Variants in EPHA6 observed in about 807,000 individuals in gnomAD.
The protein encoded by EPHA6 is ephrin type-A receptor 6.
In EPHA6, 50 loss-of-function variants were observed where a neutral mutation model predicts 112.0. That is an observed-to-expected ratio of 0.45 (90% CI 0.36 to 0.56). The LOEUF (loss-of-function observed/expected upper bound fraction) is 0.56, where lower values mean the gene tolerates loss of function less well. EPHA6 is among the 20% of genes least tolerant of loss of function. The probability of loss-of-function intolerance (pLI) is 0.00; values close to 1 mark genes in which losing one functional copy is unlikely to be tolerated. For missense variants in EPHA6, 1,280 were observed against 1,417.4 expected (o/e 0.90, Z 1.56); for synonymous variants, 529 against 490.7 (o/e 1.08, Z -1.03).
intron 3 of EPHA6, among the ~76,000 whole-genome samples, chr3:97,024,797 T>G (rs1363635980): frequency 6.6e-6 from 1 of 152,220 alleles, no homozygotes; most frequent in Admixed American, 6.5e-5. Context: ...TTCCTTCCTA[T>G]TTTAGTGTTA....
At chr3:97,126,489 T>G (rs554555457) in intron 3 of EPHA6, among the ~76,000 whole-genome samples, 1 of 152,300 alleles carries the variant, frequency 6.6e-6, no homozygotes, top group East Asian at 1.9e-4. Context: ...AATGACAATA[T>G]AACTCCACAA....
intron 3 of EPHA6, among the ~76,000 whole-genome samples, chr3:97,176,724 A>G (rs1314230617): frequency 6.6e-6 from 1 of 151,728 alleles, no homozygotes; most frequent in Non-Finnish European, 1.5e-5. Context: ...GAATTTTTGC[A>G]GTATTAGTTG....
intron 6 of EPHA6, among the ~76,000 whole-genome samples, chr3:97,427,400 G>A (rs2089215104): frequency 6.6e-6 from 1 of 152,142 alleles, no homozygotes; most frequent in Non-Finnish European, 1.5e-5. Flanking sequence ...GAACATGGTT[G>A]CAACTGGAGG....
Position 97,667,654 on chromosome 3 carries a change from T to C in EPHA6, c.2784+29572T>C, listed in dbSNP as rs143036571. Among the ~76,000 whole-genome samples, 59 of 152,318 alleles carry C rather than the reference T, an allele frequency of 3.9e-4. 1 individual carries two copies. In the East Asian group the frequency reaches 7.7e-3, roughly 20 times the overall value. ...ACATCTTTATATCTAAGTGCCTTTA[T>C]GTAAATAAGAAAAAGTATACTTTGT... On this transcript the variant is annotated intron_variant, in intron 14 of 17. Transcript: ENST00000389672.
rs113580598 is a variant in EPHA6 at position 97,097,622 on chromosome 3, T to C, written c.1114+109629T>C. ...TTATATAAAAGATAGTTAATTAAAA[T>C]TTATGTCTTCACTGCCAGATTGGAA... On this transcript the variant is annotated intron_variant, in intron 3 of 17. Transcript: ENST00000389672. Among the ~76,000 whole-genome samples the C allele has an allele frequency of 5.2e-3, 796 of 152,004 alleles. 5 individuals are homozygous for C. Among genetic ancestry groups the C allele is most frequent in the Non-Finnish European group, 8.1e-3 (551 of 67,848 alleles).
At chr3:97,227,514 C>A (rs2078396036) in intron 4 of EPHA6, among the ~76,000 whole-genome samples, 1 of 152,188 alleles carries the variant, frequency 6.6e-6, no homozygotes, top group Admixed American at 6.5e-5. Flanking sequence ...AGCCACCGCC[C>A]CTGGCCGAAA....
At chr3:97,261,155 G>A (rs900253302) in intron 5 of EPHA6, among the ~76,000 whole-genome samples, 8 of 152,148 alleles carry the variant, frequency 5.3e-5, no homozygotes, top group African/African-American at 1.9e-4. Flanking sequence ...ATTAGTTCAG[G>A]TTAAAAACAA....
At chr3:97,488,372 A>G (rs9843231) in intron 10 of EPHA6, among the ~76,000 whole-genome samples, 2,756 of 152,280 alleles carry the variant, frequency 0.018, 100 homozygotes, top group African/African-American at 0.063. Context: ...CAAGAAGGAT[A>G]TAAAAGTGAG....
At position 96,981,547 on chromosome 3, in the gene EPHA6, T is replaced by A. The variant is rs1324654181; in HGVS notation, c.451-5783T>A. Among the ~76,000 whole-genome samples, 3 of 152,126 alleles carry A rather than the reference T, an allele frequency of 2.0e-5. No homozygotes were observed. The East Asian group carries it at 5.8e-4, about 29-fold the overall frequency. On this transcript the variant is annotated intron_variant, in intron 2 of 17. Coordinates refer to ENST00000389672, the MANE Select transcript of EPHA6 (RefSeq NM_001080448.3). ...GTTGTGTCTCTGCGAGGCTTTAGTA[T>A]CAAGATGATGCTCGCCTCATAAAAT...
At chr3:96,893,025 C>A (rs1056737130) in intron 2 of EPHA6, among the ~76,000 whole-genome samples, 1 of 150,702 alleles carries the variant, frequency 6.6e-6, no homozygotes, top group African/African-American at 2.4e-5. Flanking sequence ...TGCCACAAAA[C>A]CACATACATG....
At chr3:97,168,407 G>A (rs1352720494) in intron 3 of EPHA6, among the ~76,000 whole-genome samples, 2 of 152,172 alleles carry the variant, frequency 1.3e-5, no homozygotes, top group Middle Eastern at 3.4e-3. Context: ...TAGTGCTGGA[G>A]GACCATCCCC....
rs557771497 is a variant in EPHA6, at chr3:96,822,457, A to G, written c.385+7449A>G. Reference sequence around the variant, plus strand: ...TTCTGAGTCCTCCAGCTTTTGGCCTATTTGGTGACCTGTGCTTGATAGATG... The same window carrying G: ...TTCTGAGTCCTCCAGCTTTTGGCCTGTTTGGTGACCTGTGCTTGATAGATG... On this transcript the variant is annotated intron_variant, in intron 1 of 17. Coordinates refer to ENST00000389672, the MANE Select transcript of EPHA6 (RefSeq NM_001080448.3). Among the ~76,000 whole-genome samples, 6 of 151,862 alleles carry G rather than the reference A, an allele frequency of 4.0e-5. No homozygotes were observed. The East Asian group carries it at 7.8e-4, about 20-fold the overall frequency.
chr3:97,613,703 A>C (rs1229018160), intron 13 of EPHA6, among the ~76,000 whole-genome samples: 1 of 152,144 alleles, frequency 6.6e-6, no homozygotes, highest in Non-Finnish European at 1.5e-5. Flanking sequence ...GTGTATTTTT[A>C]ATTTTAAAGT....
In EPHA6 at chr3:97,742,871, G is replaced by A. The variant is rs1020584493; in HGVS notation, c.3129-4552G>A. On this transcript the variant is annotated intron_variant, in intron 16 of 17. Transcript: ENST00000389672. ...CTTCTTCCAAGGGTATGTACATAGT[G>A]TATGCATGACAAAATTATTTCATGG... 3.9e-5 allele frequency among the ~76,000 whole-genome samples: 6 copies of A among 152,228 alleles called. No homozygotes were observed. The South Asian group carries it at 1.0e-3, about 26-fold the overall frequency.
intron 5 of EPHA6, among the ~76,000 whole-genome samples, chr3:97,292,338 GTT>G (rs1371903143): frequency 6.6e-6 from 1 of 152,230 alleles, no homozygotes; most frequent in Non-Finnish European, 1.5e-5. Flanking sequence ...GGGGAGAAAA[GTT>G]TCAGCCCTGT....
intron 3 of EPHA6, among the ~76,000 whole-genome samples, chr3:97,071,287 A>C (rs1342853168): frequency 6.6e-6 from 1 of 152,078 alleles, no homozygotes; most frequent in African/African-American, 2.4e-5. Context: ...CCTTCCAACA[A>C]ATAAAGATTA....
chr3:97,179,203 C>T lies in EPHA6; in HGVS notation c.1115-47061C>T, dbSNP rs539914880. Among the ~76,000 whole-genome samples, 29 of 152,022 alleles carry T rather than the reference C, an allele frequency of 1.9e-4. No homozygotes were observed. The Middle Eastern group carries it at 0.014, about 71-fold the overall frequency. ...AGTATACCAATTACATTTTTCAGCTCCAGAATTTCTGCTTGATTTTTTAAT... is the reference window on the plus strand; with the variant it reads ...AGTATACCAATTACATTTTTCAGCTTCAGAATTTCTGCTTGATTTTTTAAT... On this transcript the variant is annotated intron_variant, in intron 3 of 17. Transcript: ENST00000389672.
At chr3:97,303,378 A>G (rs1239722871) in intron 5 of EPHA6, among the ~76,000 whole-genome samples, 1 of 152,018 alleles carries the variant, frequency 6.6e-6, no homozygotes, top group Admixed American at 6.6e-5. Flanking sequence ...AGAAATTCAA[A>G]CAAGGTGTTA....
At chr3:97,471,924 G>A (rs562388505) in intron 7 of EPHA6, among the ~76,000 whole-genome samples, 9 of 151,826 alleles carry the variant, frequency 5.9e-5, no homozygotes, top group Admixed American at 1.3e-4. Flanking sequence ...AAGTTTCTAA[G>A]AGAGACTTCT....
Sources: gnomAD v4.1 joint callset for allele counts (sites outside exome capture counted in the v4.1 genomes callset) on GRCh38, gnomAD v4.1.1 for gene constraint, MANE v1.5 for transcripts, NCBI Gene and HGNC (gene_info 2026-07-23, HGNC 2026-07-21) for gene names.